The following RALYL variants were observed in gnomAD, a reference collection of about 807,000 sequenced individuals.
RALYL encodes RALY RNA binding protein like, also known as RNA-binding Raly-like protein.
A neutral mutation model predicts 35.1 loss-of-function variants in RALYL; 29 were observed. The observed-to-expected ratio is 0.83, with a 90% CI of 0.61 to 1.13. The LOEUF is 1.13. Ranked by LOEUF, RALYL falls within the 50% of genes most tolerant of loss-of-function variation. The probability of loss-of-function intolerance (pLI) is 0.00; values close to 1 mark genes in which losing one functional copy is unlikely to be tolerated. For synonymous variants in RALYL, 120 were observed against 127.6 expected, an observed-to-expected ratio of 0.94 and a Z score of 0.40; for missense variants, 359 against 360.4, an observed-to-expected ratio of 1.00 and a Z score of 0.03.
chr8:84,827,103 A>G (rs1425376295), intron 4 of RALYL, among the ~76,000 whole-genome samples: 2 of 152,146 alleles, frequency 1.3e-5, no homozygotes, highest in Non-Finnish European at 2.9e-5. Context: ...GAAAAATTTA[A>G]TAAAAGTTTG....
At chr8:84,724,884 C>T (rs1243859656) in intron 2 of RALYL, among the ~76,000 whole-genome samples, 1 of 151,608 alleles carries the variant, frequency 6.6e-6, no homozygotes, top group Non-Finnish European at 1.5e-5. Flanking sequence ...TAATTAATCT[C>T]TCCAAATAGA....
chr8:84,811,606 T>C (rs1825925114), intron 4 of RALYL, among the ~76,000 whole-genome samples: 2 of 152,286 alleles, frequency 1.3e-5, no homozygotes, highest in Admixed American at 1.3e-4. Context: ...CCCCCAAATA[T>C]GTTTTCCATA....
At chr8:84,727,797 A>G (rs1241361319) in intron 2 of RALYL, among the ~76,000 whole-genome samples, 1 of 152,078 alleles carries the variant, frequency 6.6e-6, no homozygotes, top group East Asian at 1.9e-4. Context: ...TACAAAGGAC[A>G]TGAACTCATC....
chr8:84,871,441 T>A (rs941945207), intron 6 of RALYL, among the ~76,000 whole-genome samples: 3 of 152,354 alleles, frequency 2.0e-5, no homozygotes, highest in African/African-American at 7.2e-5. Context: ...TTCTCCTGCA[T>A]TGAAATCTAA....
intron 1 of RALYL, among the ~76,000 whole-genome samples, chr8:84,524,868 C>A (rs2058751224): frequency 6.6e-6 from 1 of 151,756 alleles, no homozygotes. Context: ...TACAGCTACA[C>A]TATTGTATCT....
chr8:84,196,758 G>C (rs752885317), intron 1 of RALYL, among the ~76,000 whole-genome samples: 2 of 152,200 alleles, frequency 1.3e-5, no homozygotes, highest in South Asian at 4.1e-4. Flanking sequence ...AATACTCTCT[G>C]ATCATTTCAA....
At chr8:84,211,748 A>C (rs960420913) in intron 1 of RALYL, among the ~76,000 whole-genome samples, 1 of 152,124 alleles carries the variant, frequency 6.6e-6, no homozygotes, top group Non-Finnish European at 1.5e-5. Context: ...AGCTGTGTAT[A>C]AATGTTTGCA....
intron 1 of RALYL, among the ~76,000 whole-genome samples, chr8:84,228,288 A>G (rs73297894): frequency 0.035 from 5,350 of 152,234 alleles, 332 homozygotes; most frequent in African/African-American, 0.12. Context: ...TAAATAATTT[A>G]AGCTCCATCC....
rs566397652 is a variant in RALYL at position 84,183,813 on chromosome 8, G to T, written c.-635G>T. On this transcript the variant is annotated 5_prime_UTR_variant, in exon 1 of 9. Coordinates refer to ENST00000521268, the MANE Select transcript of RALYL (RefSeq NM_173848.7). ...CTCGGAGTCCGCGGCGACCGTGCCC[G>T]CTGGGAGCGTCTCCCAAGTCCAGCA... The T allele has an allele frequency of 6.6e-6, 1 of 152,514 alleles. No homozygotes were observed. The highest frequency in any genetic ancestry group is 2.1e-4 in the South Asian group (1 of 4,818). 9.4% of individuals were successfully genotyped at this position (152,514 alleles called of 1,614,324 possible). A position where few individuals can be genotyped will look rare whatever the true frequency, so the allele number is the denominator to read the frequency against.
At chr8:84,855,579 A>T (rs1836790614) in intron 5 of RALYL, among the ~76,000 whole-genome samples, 1 of 152,154 alleles carries the variant, frequency 6.6e-6, no homozygotes, top group Non-Finnish European at 1.5e-5. Flanking sequence ...ATTGAATGGC[A>T]TTTTCTTTTA....
rs79463983 is a variant in RALYL, at chr8:84,897,047, C to G, written c.858+9271C>G. On this transcript the variant is annotated intron_variant, in intron 8 of 8. Coordinates refer to ENST00000521268, the MANE Select transcript of RALYL (RefSeq NM_173848.7). ...GGGTTTCCTGTATTTTATCTGGCACCCCTACATAGAAATGGAATTGAATAC... is the reference window on the plus strand; with the variant it reads ...GGGTTTCCTGTATTTTATCTGGCACGCCTACATAGAAATGGAATTGAATAC... Among the ~76,000 whole-genome samples, 53 of 152,084 alleles carry G rather than the reference C, an allele frequency of 3.5e-4. 1 individual carries two copies. The East Asian group carries it at 0.01, about 29-fold the overall frequency.
intron 1 of RALYL, among the ~76,000 whole-genome samples, chr8:84,483,153 CATT>C (rs2054225170): frequency 6.6e-6 from 1 of 152,002 alleles, no homozygotes; most frequent in South Asian, 2.1e-4. Flanking sequence ...ATAGAGATAA[CATT>C]GTTTCAATTT....
intron 2 of RALYL, among the ~76,000 whole-genome samples, chr8:84,640,796 A>C (rs978421601): frequency 6.6e-6 from 1 of 151,986 alleles, no homozygotes; most frequent in African/African-American, 2.4e-5. Context: ...GAAGTTTTCA[A>C]AACAGGATAT....
At chr8:84,904,694 T>A (rs887319871) in intron 8 of RALYL, among the ~76,000 whole-genome samples, 1 of 152,120 alleles carries the variant, frequency 6.6e-6, no homozygotes, top group Non-Finnish European at 1.5e-5. Context: ...TTACCTCCAG[T>A]TTATGGGAAA....
At chr8:84,313,306 A>G (rs1281672364) in intron 1 of RALYL, among the ~76,000 whole-genome samples, 1 of 152,186 alleles carries the variant, frequency 6.6e-6, no homozygotes, top group Non-Finnish European at 1.5e-5. Context: ...GATCTCTGAC[A>G]TGCCCTGAGA....
intron 1 of RALYL, among the ~76,000 whole-genome samples, chr8:84,437,033 C>G (rs749368123): frequency 1.3e-5 from 2 of 151,966 alleles, no homozygotes; most frequent in South Asian, 2.1e-4. Context: ...CTCCTTACCC[C>G]CTTGTAGTAG....
intron 4 of RALYL, among the ~76,000 whole-genome samples, chr8:84,806,966 G>A (rs995354718): frequency 2.6e-5 from 4 of 152,032 alleles, no homozygotes; most frequent in East Asian, 1.9e-4. Flanking sequence ...AACCGAGATC[G>A]CACCACTTCA....
At chr8:84,313,963 A>G (rs1408229992) in intron 1 of RALYL, among the ~76,000 whole-genome samples, 1 of 152,206 alleles carries the variant, frequency 6.6e-6, no homozygotes, top group Admixed American at 6.5e-5. Context: ...TCACACTGCC[A>G]TAAACATACT....
chr8:84,219,775 T>G (rs933288619), intron 1 of RALYL, among the ~76,000 whole-genome samples: 1 of 152,000 alleles, frequency 6.6e-6, no homozygotes, highest in African/African-American at 2.4e-5. Flanking sequence ...AACAGGATAG[T>G]AGGACCTATA....
Sources: allele counts gnomAD v4.1 joint callset (sites outside exome capture counted in the v4.1 genomes callset), GRCh38; gene constraint gnomAD v4.1.1; transcripts MANE v1.5; gene names NCBI Gene and HGNC (gene_info 2026-07-23, HGNC 2026-07-21).